CENPC: variants seen among roughly 807,000 people sequenced by gnomAD.
CENPC encodes the protein CENP-C 1.
CENPC carries 63 observed loss-of-function variants against 112.1 expected under a neutral mutation model. The observed-to-expected ratio is 0.56, with a 90% CI of 0.46 to 0.69. CENPC has a LOEUF of 0.69. Among genes scored for constraint, CENPC ranks in the 30% least tolerant of loss-of-function variants. CENPC has a pLI of 0.00. For missense variants in CENPC, 1,000 were observed against 1,103.8 expected (o/e 0.91, Z 1.33); for synonymous variants, 333 against 367.6 (o/e 0.91, Z 1.08).
At chr4:67,488,655 T>C (rs1725156071) in intron 17 of CENPC, among the ~76,000 whole-genome samples, 1 of 152,046 alleles carries the variant, frequency 6.6e-6, no homozygotes, top group Non-Finnish European at 1.5e-5. Flanking sequence ...TACAGTTTAA[T>C]AGGTAACTGC....
intron 5 of CENPC, among the ~76,000 whole-genome samples, chr4:67,526,074 C>G (rs144306548): frequency 1.3e-5 from 2 of 152,102 alleles, no homozygotes. Flanking sequence ...AAACAGAAAA[C>G]CAAACACTGC....
chr4:67,517,239 G>A (rs756158301), intron 7 of CENPC, among the ~76,000 whole-genome samples: 1 of 151,756 alleles, frequency 6.6e-6, no homozygotes, highest in Non-Finnish European at 1.5e-5. Flanking sequence ...TCGACTCACT[G>A]CAACCTCCAC....
chr4:67,544,895 T>G lies in CENPC; in HGVS notation c.18+443A>C, dbSNP rs13135430. 2.4e-3 allele frequency among the ~76,000 whole-genome samples: 366 copies of G among 152,080 alleles called. 2 individuals are homozygous for G. The highest frequency in any genetic ancestry group is 8.3e-3 in the African/African-American group (345 of 41,454). ...ATCTGTTTCTCCCAACTACCAAGTG[T>G]GACGCAAAGACACACTTTTAAGGCG... On this transcript the variant is annotated intron_variant, in intron 1 of 18. Coordinates refer to ENST00000273853, the MANE Select transcript of CENPC (RefSeq NM_001812.4).
Position 67,504,090 on chromosome 4 carries a change from G to A in CENPC, c.2131+1115C>T, listed in dbSNP as rs537771126. Among the ~76,000 whole-genome samples, 6 of 66,618 alleles carry A rather than the reference G, an allele frequency of 9.0e-5. No homozygotes were observed. In the East Asian group the frequency reaches 2.0e-3, roughly 22 times the overall value. 43.7% of individuals were successfully genotyped at this position (66,618 alleles called of 152,430 possible). A position where few individuals can be genotyped will look rare whatever the true frequency, so the allele number is the denominator to read the frequency against. ...ATGCTTCCCGATCAGTGGTGAATGG[G>A]GCAAAAAAAAAAAAAAAAAAGAACG... On this transcript the variant is annotated intron_variant, in intron 12 of 18. Coordinates refer to ENST00000273853, the MANE Select transcript of CENPC (RefSeq NM_001812.4).
At chr4:67,518,418 A>C in intron 6 of CENPC, 50 bp from the exon 7 acceptor site, 1 of 1,451,194 alleles carries the variant, frequency 6.9e-7, no homozygotes, top group Non-Finnish European at 9.0e-7. Flanking sequence ...ACGTTTCTTG[A>C]GTTATAAGTC....
At chr4:67,487,807 T>A (rs745604034) in intron 17 of CENPC, among the ~76,000 whole-genome samples, 2 of 151,676 alleles carry the variant, frequency 1.3e-5, no homozygotes, top group Non-Finnish European at 2.9e-5. Flanking sequence ...TCTTCTGTAG[T>A]TTGATTTTAA....
chr4:67,529,955 A>T (rs1462973812), intron 5 of CENPC, among the ~76,000 whole-genome samples: 2 of 151,350 alleles, frequency 1.3e-5, no homozygotes, highest in African/African-American at 2.5e-5. Context: ...ATATAATAAA[A>T]GTAGTACATT....
At chr4:67,473,531 T>A (rs1235428672) in intron 18 of CENPC, among the ~76,000 whole-genome samples, 2 of 152,130 alleles carry the variant, frequency 1.3e-5, no homozygotes, top group Non-Finnish European at 2.9e-5. Context: ...CTTGCAGCAA[T>A]ACATGGACAT....
chr4:67,505,145 C>T lies in CENPC; in HGVS notation c.2131+60G>A, dbSNP rs1725698630. Reference sequence around the variant, plus strand: ...GTGACAATGTAAACAAAACATAGCACTCCTTACTCCATATTCATAATGCCA... The same window carrying T: ...GTGACAATGTAAACAAAACATAGCATTCCTTACTCCATATTCATAATGCCA... On this transcript the variant is annotated intron_variant, in intron 12 of 18. Coordinates refer to ENST00000273853, the MANE Select transcript of CENPC (RefSeq NM_001812.4). The T allele has an allele frequency of 2.8e-5, 33 of 1,191,114 alleles. No individual in the cohort carries two copies. The South Asian group carries it at 4.6e-4, about 17-fold the overall frequency. 73.8% of individuals were successfully genotyped at this position (1,191,114 alleles called of 1,614,324 possible).
At chr4:67,545,141 AAAT>A (rs1726993700) in intron 1 of CENPC, among the ~76,000 whole-genome samples, 194 bp downstream of exon 1, 1 of 152,198 alleles carries the variant, frequency 6.6e-6, no homozygotes, top group African/African-American at 2.4e-5. Context: ...AAAACTTAAG[AAAT>A]AATAAAAGTA....
At chr4:67,520,402 T>C (rs1021886365) in intron 5 of CENPC, among the ~76,000 whole-genome samples, 3 of 152,110 alleles carry the variant, frequency 2.0e-5, no homozygotes, top group African/African-American at 4.8e-5. Context: ...ACTGATAGTA[T>C]TGACACCCCA....
chr4:67,515,095 C>T (rs1726021778), intron 7 of CENPC, among the ~76,000 whole-genome samples: 1 of 151,938 alleles, frequency 6.6e-6, no homozygotes, highest in Admixed American at 6.6e-5. Flanking sequence ...AATTTCTTCA[C>T]ATTCAAAATA....
At chr4:67,502,189 G>GA (rs1035148977) in intron 12 of CENPC, among the ~76,000 whole-genome samples, 157 of 146,958 alleles carry the variant, frequency 1.1e-3, no homozygotes, top group Non-Finnish European at 1.9e-3. Context: ...TGTTTAAAAA[G>GA]AAAAAAAAAA....
chr4:67,472,143 T>G lies in CENPC; in HGVS notation c.*462A>C, dbSNP rs1724682363. 6.6e-6 allele frequency: 1 copy of G among 152,356 alleles called. No individual in the cohort carries two copies. Among genetic ancestry groups the G allele is most frequent in the South Asian group, 2.1e-4 (1 of 4,840 alleles). The allele number at this position is 152,356 out of a possible 1,614,324, so 9.4% of individuals were successfully genotyped here. On this transcript the variant is annotated 3_prime_UTR_variant, in exon 19 of 19. Transcript: ENST00000273853. ...CTTCTAGCCTCTAGAACTGAGATAA[T>G]AAATTTCTGTTGCTTTAAGTCACTC...
At chr4:67,539,973 G>C in intron 3 of CENPC, 39 bp from the exon 4 acceptor site, 1 of 1,055,778 alleles carries the variant, frequency 9.5e-7, no homozygotes, top group South Asian at 1.6e-5. Context: ...ACAAGATATA[G>C]TGTAATATCT....
At chr4:67,538,868 T>C (rs559294981) in intron 4 of CENPC, among the ~76,000 whole-genome samples, 18 of 152,204 alleles carry the variant, frequency 1.2e-4, no homozygotes, top group African/African-American at 4.3e-4. Flanking sequence ...CCACAGACTA[T>C]ATTTTGCTAG....
chr4:67,479,872 G>A (rs1049135258), intron 17 of CENPC, among the ~76,000 whole-genome samples: 1 of 152,166 alleles, frequency 6.6e-6, no homozygotes, highest in Admixed American at 6.6e-5. Flanking sequence ...AGGCTCGTAT[G>A]AACACCTTTA....
At chr4:67,508,170 A>T (rs1725788600) in intron 10 of CENPC, among the ~76,000 whole-genome samples, 1 of 152,190 alleles carries the variant, frequency 6.6e-6, no homozygotes, top group Admixed American at 6.6e-5. Flanking sequence ...CATTAATCTC[A>T]CTTAAAAGGA....
chr4:67,541,193 C>A, intron 2 of CENPC, 143 bp from the exon 3 acceptor site: 1 of 588,124 alleles, frequency 1.7e-6, no homozygotes, highest in African/African-American at 1.9e-5. Context: ...AAAACAAGTA[C>A]TTGAGGGTCT....
Sources: allele counts gnomAD v4.1 joint callset (sites outside exome capture counted in the v4.1 genomes callset), GRCh38; gene constraint gnomAD v4.1.1; transcripts MANE v1.5; gene names NCBI Gene and HGNC (gene_info 2026-07-23, HGNC 2026-07-21).